Variants in SORCS3 observed in about 807,000 individuals in gnomAD.
SORCS3 encodes sortilin related VPS10 domain containing receptor 3.
SORCS3 carries 57 observed loss-of-function variants against 146.3 expected under a neutral mutation model. The ratio of observed to expected loss-of-function variants is 0.39; its 90% CI spans 0.31 to 0.49. SORCS3 has a LOEUF of 0.49. Among genes scored for constraint, SORCS3 ranks in the 20% least tolerant of loss-of-function variants. The probability of loss-of-function intolerance (pLI) is 0.92; values close to 1 mark genes in which losing one functional copy is unlikely to be tolerated. For missense variants in SORCS3, 1,341 were observed against 1,575.5 expected (o/e 0.85, Z 2.52); for synonymous variants, 653 against 618.5 (o/e 1.06, Z -0.83).
At chr10:105,006,281 G>A (rs756071306) in intron 4 of SORCS3, among the ~76,000 whole-genome samples, 5 of 152,064 alleles carry the variant, frequency 3.3e-5, no homozygotes, top group Non-Finnish European at 7.4e-5. Context: ...TTGGAGTCTT[G>A]GCTCTTTTCT....
chr10:105,256,497 G>C (rs1253854845), intron 24 of SORCS3, among the ~76,000 whole-genome samples: 1 of 152,184 alleles, frequency 6.6e-6, no homozygotes, highest in African/African-American at 2.4e-5. Context: ...ATGGTGACAG[G>C]CATGCAGCCT....
intron 3 of SORCS3, among the ~76,000 whole-genome samples, chr10:104,916,882 C>T (rs1476581436): frequency 1.3e-5 from 2 of 152,136 alleles, no homozygotes; most frequent in African/African-American, 2.4e-5. Context: ...AACCATTGTG[C>T]GGATGTCTCT....
At chr10:104,701,590 T>C (rs2016279997) in intron 1 of SORCS3, among the ~76,000 whole-genome samples, 1 of 152,192 alleles carries the variant, frequency 6.6e-6, no homozygotes. Flanking sequence ...TGGGTTTCCA[T>C]TTATTGTAGT....
At chr10:104,689,961 T>C (rs1177577075) in intron 1 of SORCS3, among the ~76,000 whole-genome samples, 2 of 152,218 alleles carry the variant, frequency 1.3e-5, no homozygotes, top group Non-Finnish European at 2.9e-5. Flanking sequence ...AGCCTCTCTT[T>C]TGGCATGCTT....
At position 104,968,137 on chromosome 10, in the gene SORCS3, C is replaced by T. The variant is rs145503042; in HGVS notation, c.796-9198C>T. ...GATAACAGACTTGGGATAATTGCGA[C>T]GGAGTTTCACTCTTGTTGCCCAAGC... On this transcript the variant is annotated intron_variant, in intron 3 of 26. Transcript: ENST00000369701. Among the ~76,000 whole-genome samples the T allele has an allele frequency of 2.2e-3, 334 of 152,120 alleles. 6 individuals carry two copies. Among genetic ancestry groups the T allele is most frequent in the Admixed American group, 0.01 (153 of 15,274 alleles).
chr10:105,216,284 G>A (rs1010833320), intron 18 of SORCS3, among the ~76,000 whole-genome samples: 3 of 152,142 alleles, frequency 2.0e-5, no homozygotes. Context: ...CCCTGCTGTT[G>A]TTTTGCAGAT....
In SORCS3 at chr10:105,089,792, A is replaced by G; in HGVS notation, c.1046A>G (p.Asp349Gly). The G allele has an allele frequency of 6.2e-7, 1 of 1,613,982 alleles. No homozygotes were observed. Among genetic ancestry groups the G allele is most frequent in the East Asian group, 2.2e-5 (1 of 44,864 alleles). The part of the protein sequence containing the change: ...NRFYWSVAGL[D>G]KEADLVHMEV... ...TTTCCCAGGTCGGTGGCCGGATTGG[A>G]TAAGGAGGCGGACCTGGTGCACATG... Residue 349 changes from aspartate (D) to glycine (G), a missense_variant, in exon 6 of 27, where the codon GAT (aspartate) becomes GGT (glycine). Coordinates refer to ENST00000369701, the MANE Select transcript of SORCS3 (RefSeq NM_014978.3).
chr10:104,818,900 G>GT (rs1318876622), intron 1 of SORCS3, among the ~76,000 whole-genome samples: 3 of 152,078 alleles, frequency 2.0e-5, no homozygotes, highest in South Asian at 2.1e-4. Context: ...GGGACTTTTT[G>GT]TTTTTTCTGC....
intron 9 of SORCS3, among the ~76,000 whole-genome samples, chr10:105,155,827 C>G (rs2278861): frequency 0.44 from 67,378 of 152,028 alleles, 15,963 homozygotes; most frequent in Non-Finnish European, 0.53. Context: ...GGCCCTTTGT[C>G]AAATTCCCCT....
chr10:105,125,442 G>A (rs1051371792), intron 7 of SORCS3, among the ~76,000 whole-genome samples: 3 of 152,052 alleles, frequency 2.0e-5, no homozygotes, highest in Non-Finnish European at 2.9e-5. Flanking sequence ...TTCCCAAGAC[G>A]ACACAGCCAG....
At chr10:105,235,070 C>T (rs1039258931) in intron 20 of SORCS3, among the ~76,000 whole-genome samples, 9 of 152,032 alleles carry the variant, frequency 5.9e-5, no homozygotes, top group Non-Finnish European at 1.2e-4. Flanking sequence ...TGTTTGTTCT[C>T]CCTCTCCTGA....
At chr10:105,071,967 T>C (rs898151178) in intron 5 of SORCS3, among the ~76,000 whole-genome samples, 1 of 152,178 alleles carries the variant, frequency 6.6e-6, no homozygotes, top group African/African-American at 2.4e-5. Context: ...CCCTTGAAGA[T>C]GCAAGGTTCC....
chr10:104,824,143 A>G (rs1275370608), intron 1 of SORCS3, among the ~76,000 whole-genome samples: 1 of 152,212 alleles, frequency 6.6e-6, no homozygotes, highest in African/African-American at 2.4e-5. Context: ...TCTGGCCCCC[A>G]TAACTGTGAA....
At chr10:104,849,823 G>A (rs2018254524) in intron 2 of SORCS3, among the ~76,000 whole-genome samples, 2 of 152,166 alleles carry the variant, frequency 1.3e-5, no homozygotes, top group African/African-American at 4.8e-5. Context: ...TTAGGAGGAT[G>A]GGGTACAGAA....
intron 1 of SORCS3, among the ~76,000 whole-genome samples, chr10:104,662,681 C>T (rs547611911): frequency 2.0e-5 from 3 of 152,140 alleles, no homozygotes; most frequent in Non-Finnish European, 2.9e-5. Flanking sequence ...TTTCTAGAAG[C>T]CTTCATTGAA....
chr10:105,151,622 G>A (rs1055945355), intron 9 of SORCS3, among the ~76,000 whole-genome samples: 12 of 152,008 alleles, frequency 7.9e-5, no homozygotes, highest in Admixed American at 7.9e-4. Flanking sequence ...CTTGGTAATG[G>A]AGAGGAGACA....
intron 1 of SORCS3, among the ~76,000 whole-genome samples, chr10:104,825,090 G>T (rs991909280): frequency 1.3e-5 from 2 of 152,196 alleles, no homozygotes; most frequent in African/African-American, 4.8e-5. Flanking sequence ...TGATGAGGTT[G>T]CTCTTTATTT....
chr10:105,200,285 C>A (rs1210181718), intron 15 of SORCS3, among the ~76,000 whole-genome samples, 169 bp downstream of exon 15: 2 of 152,030 alleles, frequency 1.3e-5, no homozygotes, highest in East Asian at 3.9e-4. Context: ...TCCAGTAGGG[C>A]CAGATGATAT....
At chr10:104,810,433 T>G (rs2017727609) in intron 1 of SORCS3, among the ~76,000 whole-genome samples, 1 of 152,224 alleles carries the variant, frequency 6.6e-6, no homozygotes, top group African/African-American at 2.4e-5. Flanking sequence ...TTTTATGGAT[T>G]GCATTTTACA....
Sources: allele counts gnomAD v4.1 joint callset (sites outside exome capture counted in the v4.1 genomes callset), GRCh38; gene constraint gnomAD v4.1.1; transcripts MANE v1.5; gene names NCBI Gene and HGNC (gene_info 2026-07-23, HGNC 2026-07-21).